The following FLT1 variants were observed in gnomAD, a reference collection of about 807,000 sequenced individuals.
FLT1 encodes vascular endothelial growth factor receptor 1.
Under a neutral mutation model 156.3 loss-of-function variants are expected in FLT1, and 49 were observed. The ratio of observed to expected loss-of-function variants is 0.31; its 90% CI spans 0.25 to 0.40. FLT1 has a LOEUF of 0.40. Among genes scored for constraint, FLT1 ranks in the 10% least tolerant of loss-of-function variants. The probability of loss-of-function intolerance (pLI) is 1.00; values close to 1 mark genes in which losing one functional copy is unlikely to be tolerated. For synonymous variants in FLT1, 594 were observed against 583.8 expected, an observed-to-expected ratio of 1.02 and a Z score of -0.25; for missense variants, 1,322 against 1,637.2, an observed-to-expected ratio of 0.81 and a Z score of 3.32.
At chr13:28,386,620 T>C in intron 13 of FLT1, 2 of 1,056,136 alleles carry the variant, frequency 1.9e-6, no homozygotes, top group East Asian at 5.3e-5. Context: ...TGTTTTTGCA[T>C]TGGATGCTAT....
intron 15 of FLT1, among the ~76,000 whole-genome samples, chr13:28,349,425 T>TACACACAC (rs34182100): frequency 0.019 from 2,730 of 146,976 alleles, 45 homozygotes; most frequent in Non-Finnish European, 0.029. Context: ...GGCCTTGCTG[T>TACACACAC]ACACACACAC....
chr13:28,407,235 GT>G (rs1391504705), intron 10 of FLT1, among the ~76,000 whole-genome samples: 1 of 152,192 alleles, frequency 6.6e-6, no homozygotes, highest in East Asian at 1.9e-4. Context: ...TTTGCTAAGA[GT>G]TTCTACTTTC....
At position 28,427,242 on chromosome 13, in the gene FLT1, G is replaced by T; in HGVS notation, c.1353C>A (p.Ile451=). 1 of 1,613,944 alleles carries T rather than the reference G, an allele frequency of 6.2e-7. No individual in the cohort carries two copies. Among genetic ancestry groups the T allele is most frequent in the Non-Finnish European group, 8.5e-7 (1 of 1,179,828 alleles). ...PALYPLGSRQ[I]LTCTAYGIPQ... The stretch of plus-strand genomic sequence containing the variant: ...GGATACCATATGCGGTACAAGTCAG[G>T]ATTTGTCTGCTGCCCAGTGGGTAGA... Residue 451 remains isoleucine, a synonymous_variant, in exon 10 of 30, where the codon ATC becomes ATA. Coordinates refer to ENST00000282397, the MANE Select transcript of FLT1 (RefSeq NM_002019.4).
At chr13:28,412,082 CTT>C (rs1441094966) in intron 10 of FLT1, among the ~76,000 whole-genome samples, 1 of 152,050 alleles carries the variant, frequency 6.6e-6, no homozygotes, top group East Asian at 1.9e-4. Context: ...TGTAAAATGT[CTT>C]TTAAAAAAAT....
At chr13:28,358,945 C>T (rs993521508) in intron 14 of FLT1, among the ~76,000 whole-genome samples, 5 of 152,042 alleles carry the variant, frequency 3.3e-5, no homozygotes, top group Admixed American at 6.5e-5. Context: ...AAATGAGAAA[C>T]GGAAGCATGA....
intron 14 of FLT1, among the ~76,000 whole-genome samples, chr13:28,374,531 A>C (rs1416058420): frequency 6.6e-6 from 1 of 151,422 alleles, no homozygotes; most frequent in African/African-American, 2.4e-5. Context: ...TTTTTTATTG[A>C]GATGGAGTCT....
At chr13:28,435,672 G>C (rs909130916) in intron 4 of FLT1, among the ~76,000 whole-genome samples, 2 of 152,164 alleles carry the variant, frequency 1.3e-5, no homozygotes, top group Non-Finnish European at 2.9e-5. Flanking sequence ...CTGGATTTGT[G>C]ATCCTATGGC....
chr13:28,330,258 T>G (rs374289480), intron 18 of FLT1, among the ~76,000 whole-genome samples: 4 of 152,352 alleles, frequency 2.6e-5, no homozygotes, highest in Middle Eastern at 3.4e-3. Flanking sequence ...TCTTGGGTTG[T>G]GAGGATCCAT....
chr13:28,406,105 A>G (rs941848738), intron 10 of FLT1, among the ~76,000 whole-genome samples: 1 of 152,244 alleles, frequency 6.6e-6, no homozygotes, highest in African/African-American at 2.4e-5. Flanking sequence ...GCCCCACACT[A>G]GTGTGTCACC....
chr13:28,365,794 A>G (rs1180913757), intron 14 of FLT1, among the ~76,000 whole-genome samples: 1 of 152,232 alleles, frequency 6.6e-6, no homozygotes, highest in Non-Finnish European at 1.5e-5. Context: ...CACTAAATAC[A>G]GATTCTTTAA....
At chr13:28,415,479 C>A (rs1876593881) in intron 10 of FLT1, among the ~76,000 whole-genome samples, 1 of 151,892 alleles carries the variant, frequency 6.6e-6, no homozygotes, top group Non-Finnish European at 1.5e-5. Flanking sequence ...AAAACTCCAT[C>A]TTAATAATAA....
intron 20 of FLT1, among the ~76,000 whole-genome samples, chr13:28,325,840 GTTC>G (rs1334636762): frequency 2.6e-5 from 3 of 113,688 alleles, no homozygotes; most frequent in Non-Finnish European, 6.0e-5. Context: ...AAAAAAAAAG[GTTC>G]TTATTATTAG....
At chr13:28,358,384 C>T (rs996792115) in intron 14 of FLT1, among the ~76,000 whole-genome samples, 12 of 152,186 alleles carry the variant, frequency 7.9e-5, no homozygotes, top group African/African-American at 2.2e-4. Context: ...TTCTAAGTTT[C>T]AGTTTCCTTA....
intron 10 of FLT1, among the ~76,000 whole-genome samples, chr13:28,412,327 TTCTTTTC>T (rs1393784961): frequency 1.5e-5 from 1 of 65,816 alleles, no homozygotes; most frequent in African/African-American, 5.1e-5. Flanking sequence ...CTTTCTTTCT[TTCTTTTC>T]TTTCTTTCTT....
intron 18 of FLT1, among the ~76,000 whole-genome samples, chr13:28,331,855 TAA>T (rs35686096): frequency 1.4e-4 from 20 of 146,708 alleles, no homozygotes; most frequent in African/African-American, 3.5e-4. Flanking sequence ...TGCTGATGGC[TAA>T]AAAAAAAAAA....
chr13:28,372,545 T>C lies in FLT1; in HGVS notation c.2116+12340A>G, dbSNP rs190652148. 2.6e-3 allele frequency among the ~76,000 whole-genome samples: 353 copies of C among 135,906 alleles called. 2 individuals are homozygous for C. Among genetic ancestry groups the C allele is most frequent in the Admixed American group, 5.1e-3 (64 of 12,502 alleles). The allele number at this position is 135,906 out of a possible 152,430, so 89.2% of individuals were successfully genotyped here. On this transcript the variant is annotated intron_variant, in intron 14 of 29. Coordinates refer to ENST00000282397, the MANE Select transcript of FLT1 (RefSeq NM_002019.4). ...TCTGTACAGTGGAAATGTATTCATATATTCCTCGTTTAAATAAAATGTATA... is the reference window on the plus strand; with the variant it reads ...TCTGTACAGTGGAAATGTATTCATACATTCCTCGTTTAAATAAAATGTATA...
intron 13 of FLT1, chr13:28,389,054 C>T (rs540472659): frequency 1.7e-4 from 178 of 1,063,488 alleles, no homozygotes; most frequent in Admixed American, 3.2e-4. Flanking sequence ...ATTCACACTG[C>T]GATAAACCTT....
chr13:28,486,417 C>T (rs929724486), intron 1 of FLT1, among the ~76,000 whole-genome samples: 1 of 152,210 alleles, frequency 6.6e-6, no homozygotes, highest in Non-Finnish European at 1.5e-5. Context: ...ATCCCAGCAC[C>T]GGAAATGCAG....
chr13:28,418,244 C>T (rs1593769902), intron 10 of FLT1, among the ~76,000 whole-genome samples: 1 of 152,176 alleles, frequency 6.6e-6, no homozygotes, highest in South Asian at 2.1e-4. Context: ...TTTCTACTCC[C>T]AACTGCAGAT....
Sources: gnomAD v4.1 joint callset for allele counts (sites outside exome capture counted in the v4.1 genomes callset) on GRCh38, gnomAD v4.1.1 for gene constraint, MANE v1.5 for transcripts, NCBI Gene and HGNC (gene_info 2026-07-23, HGNC 2026-07-21) for gene names.